PRKN: variants seen among roughly 807,000 people sequenced by gnomAD.
The protein encoded by PRKN is E3 ubiquitin-protein ligase parkin.
PRKN carries 56 observed loss-of-function variants against 59.5 expected under a neutral mutation model. The ratio of observed to expected loss-of-function variants is 0.94; its 90% confidence interval spans 0.76 to 1.18. The LOEUF (loss-of-function observed/expected upper bound fraction) is 1.18, where lower values mean the gene tolerates loss of function less well. PRKN is among the 50% of genes most tolerant of loss of function. PRKN has a pLI of 0.00. For synonymous variants in PRKN, 250 were observed against 222.1 expected, an observed-to-expected ratio of 1.13 and a Z score of -1.12; for missense variants, 657 against 596.4, an observed-to-expected ratio of 1.10 and a Z score of -1.06.
chr6:161,911,680 C>T (rs986667021), intron 6 of PRKN, among the ~76,000 whole-genome samples: 8 of 152,164 alleles, frequency 5.3e-5, no homozygotes, highest in South Asian at 2.1e-4. Context: ...AATAAATACC[C>T]GTCAGTATAG....
At chr6:162,685,579 C>A (rs943365030) in intron 1 of PRKN, among the ~76,000 whole-genome samples, 1 of 152,086 alleles carries the variant, frequency 6.6e-6, no homozygotes, top group Non-Finnish European at 1.5e-5. Context: ...TTCCCTTTTC[C>A]TCTGGTATAA....
chr6:162,246,155 G>A (rs1779183371), intron 3 of PRKN, among the ~76,000 whole-genome samples: 1 of 152,072 alleles, frequency 6.6e-6, no homozygotes, highest in Non-Finnish European at 1.5e-5. Context: ...AAATTCCTAT[G>A]TTGAAGCTCT....
intron 1 of PRKN, among the ~76,000 whole-genome samples, chr6:162,578,005 C>T (rs73593994): frequency 0.021 from 3,137 of 152,246 alleles, 108 homozygotes; most frequent in African/African-American, 0.071. Context: ...AGGAAGCTAA[C>T]TTCAATATTG....
At chr6:161,364,930 CAA>C (rs67693234) in intron 10 of PRKN, among the ~76,000 whole-genome samples, 33,465 of 120,868 alleles carry the variant, frequency 0.28, 3,749 homozygotes, top group Middle Eastern at 0.35. Context: ...GACTTTGTCT[CAA>C]AAAAAAAAAA....
intron 2 of PRKN, among the ~76,000 whole-genome samples, chr6:162,429,885 C>T (rs142657375): frequency 2.6e-5 from 4 of 152,120 alleles, no homozygotes; most frequent in African/African-American, 4.8e-5. Context: ...GCGTTTGACC[C>T]GGCTCATCCT....
rs9458588 is a variant in PRKN at position 162,558,556 on chromosome 6, C to T, written c.8-115083G>A. ...GTTGGTCAGGCTGGTCTTGAACTCC[C>T]GATTTCAGGTGATCTGCCTGCCTCA... On this transcript the variant is annotated intron_variant, in intron 1 of 11. Transcript: ENST00000366898. 5.6e-3 allele frequency among the ~76,000 whole-genome samples: 850 copies of T among 151,646 alleles called. 6 individuals are homozygous for T. Among genetic ancestry groups the T allele is most frequent in the African/African-American group, 0.02 (810 of 41,344 alleles).
chr6:162,288,152 G>A (rs553709962), intron 2 of PRKN, among the ~76,000 whole-genome samples: 1 of 152,190 alleles, frequency 6.6e-6, no homozygotes, highest in South Asian at 2.1e-4. Context: ...CCTGGAAGTG[G>A]GCTCTATACC....
intron 2 of PRKN, among the ~76,000 whole-genome samples, chr6:162,263,837 C>A (rs1780006680): frequency 6.6e-6 from 1 of 151,972 alleles, no homozygotes; most frequent in Admixed American, 6.6e-5. Context: ...GCCTGTAATC[C>A]CAGCTACTCG....
chr6:161,585,019 CA>C (rs1298866072), intron 7 of PRKN, among the ~76,000 whole-genome samples: 1 of 152,128 alleles, frequency 6.6e-6, no homozygotes, highest in Non-Finnish European at 1.5e-5. Context: ...GGAGAAAAAC[CA>C]AACAGAACAC....
In PRKN at chr6:161,360,279, G is replaced by A. The variant is rs1048934060; in HGVS notation, c.1168-74C>T. On this transcript the variant is annotated intron_variant, in intron 10 of 11. Transcript: ENST00000366898. This position sits in a 1 kb window ranked among gnomAD's most constrained non-coding sequence, Gnocchi z 5.1. ...GGATCAGAGTTTATGTTCCCTGTAC[G>A]TCGGTACAGGAAATTCTTGAAGACA... is the stretch of plus-strand genomic sequence containing the variant. The A allele has an allele frequency of 1.6e-5, 19 of 1,169,386 alleles. No individual in the cohort carries two copies. The highest frequency in any genetic ancestry group is 4.5e-5 in the African/African-American group (3 of 66,594). The allele number at this position is 1,169,386 out of a possible 1,614,324, so 72.4% of individuals were successfully genotyped here.
intron 1 of PRKN, among the ~76,000 whole-genome samples, chr6:162,466,991 A>G (rs1562785806): frequency 1.3e-5 from 2 of 152,138 alleles, no homozygotes; most frequent in African/African-American, 2.4e-5. Context: ...GGTCGAAAAA[A>G]TTAACAAATC....
chr6:161,642,938 A>T (rs972545952), intron 7 of PRKN, among the ~76,000 whole-genome samples: 2 of 152,198 alleles, frequency 1.3e-5, no homozygotes, highest in Non-Finnish European at 2.9e-5. Flanking sequence ...TACTTCTTGG[A>T]GTGTCCAGTC....
intron 4 of PRKN, among the ~76,000 whole-genome samples, chr6:162,091,926 G>A (rs1194558239): frequency 6.6e-6 from 1 of 152,112 alleles, no homozygotes; most frequent in Admixed American, 6.6e-5. Context: ...GTTCAAGCTA[G>A]TTGGGAGGCT....
intron 2 of PRKN, among the ~76,000 whole-genome samples, chr6:162,404,717 T>A (rs1787974378): frequency 6.6e-6 from 1 of 152,066 alleles, no homozygotes; most frequent in Non-Finnish European, 1.5e-5. Flanking sequence ...CACACCCAGC[T>A]AATTTTGTAT....
chr6:161,511,357 T>C (rs758181016), intron 9 of PRKN, among the ~76,000 whole-genome samples: 15 of 152,206 alleles, frequency 9.9e-5, no homozygotes, highest in Non-Finnish European at 2.9e-5. Flanking sequence ...AACAAAATGA[T>C]GCTTGGTATT....
rs17650323 is a variant in PRKN at position 161,529,157 on chromosome 6, C to T, written c.1083+19697G>A. Among the ~76,000 whole-genome samples, 20,036 of 152,218 alleles carry T rather than the reference C, an allele frequency of 0.13. 1,469 individuals carry two copies. The highest frequency in any genetic ancestry group is 0.18 in the African/African-American group (7,508 of 41,520). On this transcript the variant is annotated intron_variant, in intron 9 of 11. Coordinates refer to ENST00000366898, the MANE Select transcript of PRKN (RefSeq NM_004562.3). This position sits in a 1 kb window ranked among gnomAD's most constrained non-coding sequence, Gnocchi z 4.4. ...CTCTCCCTAGTCACCGCATGCCTTC[C>T]TGTTCCAGTGAAATTTAGGGTATTG... is the stretch of plus-strand genomic sequence containing the variant.
At chr6:162,286,753 T>C (rs1781209892) in intron 2 of PRKN, among the ~76,000 whole-genome samples, 1 of 152,178 alleles carries the variant, frequency 6.6e-6, no homozygotes. Context: ...TCTGGCCAAG[T>C]AGCTGGCGTT....
Position 162,042,486 on chromosome 6 carries a change from A to C in PRKN, c.618+11605T>G, listed in dbSNP as rs1234758598. On this transcript the variant is annotated intron_variant, in intron 5 of 11. Transcript: ENST00000366898. ...TTATTTTTCATAGAGATGGGGTCTC[A>C]TAATGTTGCCTAGGCTGGTCTCAAA... Among the ~76,000 whole-genome samples, 7 of 151,758 alleles carry C rather than the reference A, an allele frequency of 4.6e-5. No individual in the cohort carries two copies. In the South Asian group the frequency reaches 1.2e-3, roughly 27 times the overall value.
In PRKN at chr6:161,619,337, T is replaced by C. The variant is rs866351209; in HGVS notation, c.872-49921A>G. On this transcript the variant is annotated intron_variant, in intron 7 of 11. Coordinates refer to ENST00000366898, the MANE Select transcript of PRKN (RefSeq NM_004562.3). ...ATTTGCTAAGCTGCTTTTTTTTTTTTTTTCTTCTCCTTACTTTCCTGTTTT... is the reference window on the plus strand; with the variant it reads ...ATTTGCTAAGCTGCTTTTTTTTTTTCTTTCTTCTCCTTACTTTCCTGTTTT... Among the ~76,000 whole-genome samples, 221 of 151,762 alleles carry C rather than the reference T, an allele frequency of 1.5e-3. 2 individuals are homozygous for C. In the South Asian group the frequency reaches 0.028, roughly 19 times the overall value.
Sources: gnomAD v4.1 joint callset for allele counts (sites outside exome capture counted in the v4.1 genomes callset) on GRCh38, gnomAD v4.1.1 for gene constraint, Gnocchi (gnomAD v3.1) non-coding constraint, MANE v1.5 for transcripts, NCBI Gene and HGNC (gene_info 2026-07-23, HGNC 2026-07-21) for gene names.